The following COL4A3 variants were observed in gnomAD, a reference collection of about 807,000 sequenced individuals.
COL4A3 encodes collagen alpha-3(IV) chain.
COL4A3 carries 135 observed loss-of-function variants against 217.4 expected under a neutral mutation model. That is an observed-to-expected ratio of 0.62 (90% CI 0.54 to 0.72). COL4A3 has a LOEUF of 0.72. Ranked by LOEUF, COL4A3 falls within the 30% of genes least tolerant of loss-of-function variation. The pLI is 0.00. For synonymous variants in COL4A3, 690 were observed against 736.3 expected, an observed-to-expected ratio of 0.94 and a Z score of 1.02; for missense variants, 1,868 against 2,119.9, an observed-to-expected ratio of 0.88 and a Z score of 2.33.
intron 1 of COL4A3, among the ~76,000 whole-genome samples, chr2:227,168,884 T>C (rs1166337215): frequency 1.5e-5 from 2 of 137,320 alleles, no homozygotes; most frequent in African/African-American, 5.3e-5. Context: ...CTTTTTTTTC[T>C]TTTTTTTATT....
At chr2:227,279,346 G>C (rs2071796990) in intron 28 of COL4A3, 1 of 153,640 alleles carries the variant, frequency 6.5e-6, no homozygotes, top group African/African-American at 2.4e-5. Flanking sequence ...CGAACTCCCA[G>C]TCTCAAGTGA....
At chr2:227,211,499 G>T (rs2067319782) in intron 1 of COL4A3, among the ~76,000 whole-genome samples, 1 of 152,152 alleles carries the variant, frequency 6.6e-6, no homozygotes, top group Admixed American at 6.5e-5. Context: ...CACCAGGGTG[G>T]AATTGCTGTA....
chr2:227,266,585 G>A, intron 22 of COL4A3, 76 bp downstream of exon 22: 7 of 1,119,878 alleles, frequency 6.3e-6, no homozygotes, highest in Non-Finnish European at 9.4e-6. Context: ...TTCCCCCTGA[G>A]ATAACAATGA....
At chr2:227,203,805 G>A (rs915035010) in intron 1 of COL4A3, among the ~76,000 whole-genome samples, 5 of 150,214 alleles carry the variant, frequency 3.3e-5, no homozygotes, top group Admixed American at 6.7e-5. Flanking sequence ...ATACACTACA[G>A]TAGCAAAGTC....
At chr2:227,266,054 C>T (rs2070869508) in intron 21 of COL4A3, 1 of 251,900 alleles carries the variant, frequency 4.0e-6, no homozygotes, top group Non-Finnish European at 7.7e-6. Context: ...CCCACCAGGT[C>T]CCTTTCATGA....
At chr2:227,166,792 CA>C (rs1261437906) in intron 1 of COL4A3, among the ~76,000 whole-genome samples, 5 of 152,146 alleles carry the variant, frequency 3.3e-5, no homozygotes, top group Non-Finnish European at 5.9e-5. Context: ...AAAGGAATCA[CA>C]ACGTTCACTG....
chr2:227,303,820 A>G, intron 44 of COL4A3, 39 bp from the exon 45 acceptor site: 1 of 1,590,164 alleles, frequency 6.3e-7, no homozygotes, highest in African/African-American at 1.3e-5. Flanking sequence ...AAACCCATTG[A>G]TCTAAGTGGA....
rs989786170 is a variant in COL4A3 at position 227,191,614 on chromosome 2, C to T, written c.87+26801C>T. Reference sequence around the variant, plus strand: ...AATCAGGATGATCAGATTTCAAAGTCGGCCAAATAACTCATCTTGGAGACA... The same window carrying T: ...AATCAGGATGATCAGATTTCAAAGTTGGCCAAATAACTCATCTTGGAGACA... On this transcript the variant is annotated intron_variant, in intron 1 of 51. Coordinates refer to ENST00000396578, the MANE Select transcript of COL4A3 (RefSeq NM_000091.5). This position sits in a 1 kb window ranked among gnomAD's most constrained non-coding sequence, Gnocchi z 6.8. Among the ~76,000 whole-genome samples the T allele has an allele frequency of 1.2e-4, 18 of 152,126 alleles. No individual in the cohort carries two copies. The highest frequency in any genetic ancestry group is 3.4e-4 in the African/African-American group (14 of 41,404).
intron 30 of COL4A3, 21 bp from the exon 31 acceptor site, chr2:227,280,872 T>TA: frequency 1.3e-6 from 2 of 1,501,996 alleles, no homozygotes; most frequent in Non-Finnish European, 1.8e-6. Context: ...CCTGGGTATA[T>TA]ACTTGTGCTT....
rs530353117 is a variant in COL4A3, at chr2:227,164,747, C to A, written c.21C>A (p.Pro7=). 9.6e-5 allele frequency: 146 copies of A among 1,527,366 alleles called. 1 individual carries two copies. The African/African-American group carries it at 1.7e-3, about 18-fold the overall frequency. 94.6% of individuals were successfully genotyped at this position (1,527,366 alleles called of 1,614,324 possible). The stretch of plus-strand genomic sequence containing the variant: ...CCACCATGAGCGCCCGGACCGCCCC[C>A]AGGCCGCAGGTGCTCCTGCTGCCGC... MSARTA[P]RPQVLLLPLL... The change falls in exon 1 of 52, where the codon CCC becomes CCA. Residue 7 remains proline, a synonymous_variant. Coordinates refer to ENST00000396578, the MANE Select transcript of COL4A3 (RefSeq NM_000091.5). The surrounding 1 kb of genome is among the most constrained non-coding windows in gnomAD (Gnocchi z 4.8).
intron 37 of COL4A3, among the ~76,000 whole-genome samples, chr2:227,292,430 A>G (rs2072798806): frequency 6.6e-6 from 1 of 152,064 alleles, no homozygotes; most frequent in Non-Finnish European, 1.5e-5. Context: ...AGTTTCATTT[A>G]GATTTAAAGT....
chr2:227,261,094 C>G lies in COL4A3; in HGVS notation c.1127C>G (p.Pro376Arg), dbSNP rs760049264. 1 of 1,611,980 alleles carries G rather than the reference C, an allele frequency of 6.2e-7. No individual in the cohort carries two copies. The highest frequency in any genetic ancestry group is 8.5e-7 in the Non-Finnish European group (1 of 1,178,066). The stretch of plus-strand genomic sequence containing the variant: ...TATATATTCCCAGGTCCCAGTGGTC[C>G]CCCCGGAGTTCCTGGAAGTCCTGGT... The part of the protein sequence containing the change: ...GARGPQGPSG[P>R]PGVPGSPGSS... Residue 376 changes from proline (P) to arginine (R), a missense_variant, in exon 20 of 52, where the codon CCC becomes CGC. Transcript: ENST00000396578.
chr2:227,168,049 A>C (rs115615043), intron 1 of COL4A3, among the ~76,000 whole-genome samples: 1 of 152,242 alleles, frequency 6.6e-6, no homozygotes, highest in Non-Finnish European at 1.5e-5. Flanking sequence ...TGGTACATAT[A>C]GATATGATGT....
At chr2:227,192,206 GT>G (rs1250574840) in intron 1 of COL4A3, among the ~76,000 whole-genome samples, 1 of 152,046 alleles carries the variant, frequency 6.6e-6, no homozygotes, top group Non-Finnish European at 1.5e-5. Context: ...ATTACTCCAG[GT>G]TCTGACTATC....
At position 227,253,251 on chromosome 2, in the gene COL4A3, C is replaced by T. The variant is rs759117408; in HGVS notation, c.646-45C>T. 2.4e-5 allele frequency: 36 copies of T among 1,520,560 alleles called. No homozygotes were observed. In the South Asian group the frequency reaches 4.0e-4, roughly 17 times the overall value. 94.2% of individuals were successfully genotyped at this position (1,520,560 alleles called of 1,614,324 possible). A position where few individuals can be genotyped will look rare whatever the true frequency, so the allele number is the denominator to read the frequency against. On this transcript the variant is annotated intron_variant, in intron 11 of 51. Transcript: ENST00000396578. The surrounding 1 kb of genome is among the most constrained non-coding windows in gnomAD (Gnocchi z 4.4). ...CTTTGATGGGTTTAGACTATTTATTCATATTTATTTTTAGAAAATAATTTG... is the reference window on the plus strand; with the variant it reads ...CTTTGATGGGTTTAGACTATTTATTTATATTTATTTTTAGAAAATAATTTG...
chr2:227,194,802 GA>G (rs2066407183), intron 1 of COL4A3, among the ~76,000 whole-genome samples: 1 of 152,010 alleles, frequency 6.6e-6, no homozygotes, highest in Admixed American at 6.6e-5. Context: ...CTTGAAAATA[GA>G]AAAATACTAG....
At chr2:227,241,383 T>C (rs1488791140) in intron 3 of COL4A3, among the ~76,000 whole-genome samples, 3 of 152,188 alleles carry the variant, frequency 2.0e-5, no homozygotes, top group African/African-American at 4.8e-5. Flanking sequence ...TATTAGAATA[T>C]GTATTAGAGG....
chr2:227,279,135 T>C (rs1326845738), intron 28 of COL4A3, among the ~76,000 whole-genome samples: 1 of 151,018 alleles, frequency 6.6e-6, no homozygotes, highest in African/African-American at 2.4e-5. Flanking sequence ...TGGAGTGTAA[T>C]TGGCACTATC....
At chr2:227,219,116 T>C (rs571191717) in intron 1 of COL4A3, among the ~76,000 whole-genome samples, 1 of 152,240 alleles carries the variant, frequency 6.6e-6, no homozygotes, top group East Asian at 1.9e-4. Context: ...TGCCTCGGCC[T>C]CCCAAGTAGC....
Sources: gnomAD v4.1 joint callset for allele counts (sites outside exome capture counted in the v4.1 genomes callset) on GRCh38, gnomAD v4.1.1 for gene constraint, Gnocchi (gnomAD v3.1) non-coding constraint, MANE v1.5 for transcripts, NCBI Gene and HGNC (gene_info 2026-07-23, HGNC 2026-07-21) for gene names.